Variants in NBEA observed in about 807,000 individuals in gnomAD.
NBEA encodes the protein neurobeachin.
NBEA carries 44 observed loss-of-function variants against 343.4 expected under a neutral mutation model. The observed-to-expected ratio is 0.13, with a 90% CI of 0.10 to 0.16. The LOEUF (loss-of-function observed/expected upper bound fraction) is 0.16, where lower values mean the gene tolerates loss of function less well. Among genes scored for constraint, NBEA ranks in the 10% least tolerant of loss-of-function variants. NBEA has a pLI of 1.00. For missense variants in NBEA, 2,555 were observed against 3,631.3 expected (o/e 0.70, Z 7.62); for synonymous variants, 1,175 against 1,238.7 (o/e 0.95, Z 1.08).
chr13:35,046,778 G>T (rs1026990162), intron 4 of NBEA, among the ~76,000 whole-genome samples: 1 of 151,944 alleles, frequency 6.6e-6, no homozygotes, highest in African/African-American at 2.4e-5. Context: ...CCTGTTTTTG[G>T]ACTGTGGTTG....
intron 10 of NBEA, among the ~76,000 whole-genome samples, chr13:35,091,702 C>T (rs533756486): frequency 8.8e-4 from 134 of 151,982 alleles, no homozygotes; most frequent in Non-Finnish European, 1.2e-3. Context: ...ACCACAGCAT[C>T]AAAAATGTTA....
intron 6 of NBEA, among the ~76,000 whole-genome samples, chr13:35,054,442 G>T (rs1254122193): frequency 6.6e-6 from 1 of 151,816 alleles, no homozygotes; most frequent in African/African-American, 2.4e-5. Context: ...TAACATATAT[G>T]TTGGTTTCAA....
intron 46 of NBEA, 83 bp downstream of exon 46, chr13:35,584,121 T>A: frequency 7.9e-7 from 1 of 1,264,794 alleles, no homozygotes; most frequent in Non-Finnish European, 1.1e-6. Flanking sequence ...AAATCAGTTG[T>A]AATTTGATTA....
intron 40 of NBEA, among the ~76,000 whole-genome samples, chr13:35,467,577 G>A (rs2075442062): frequency 6.6e-6 from 1 of 151,672 alleles, no homozygotes; most frequent in African/African-American, 2.4e-5. Flanking sequence ...AAAAATAATT[G>A]TAAAAATTTA....
chr13:35,612,293 C>A (rs541635574), intron 48 of NBEA, among the ~76,000 whole-genome samples: 1 of 151,888 alleles, frequency 6.6e-6, no homozygotes, highest in Non-Finnish European at 1.5e-5. Context: ...CCACCACGCC[C>A]GGCTAATTTT....
At chr13:35,112,017 T>C (rs1466930538) in intron 13 of NBEA, among the ~76,000 whole-genome samples, 2 of 149,088 alleles carry the variant, frequency 1.3e-5, no homozygotes, top group African/African-American at 2.5e-5. Flanking sequence ...CCCGGGTTCA[T>C]GCCGTTCTCC....
At chr13:35,097,768 A>C (rs1210817068) in intron 10 of NBEA, among the ~76,000 whole-genome samples, 2 of 151,782 alleles carry the variant, frequency 1.3e-5, no homozygotes, top group African/African-American at 4.8e-5. Context: ...CTTAGGGCAT[A>C]CCTGGACATA....
At chr13:35,429,061 G>A (rs1054346440) in intron 38 of NBEA, among the ~76,000 whole-genome samples, 2 of 152,174 alleles carry the variant, frequency 1.3e-5, no homozygotes, top group African/African-American at 4.8e-5. Flanking sequence ...TGAAAGTCCT[G>A]ACTCTGCAGT....
At chr13:35,416,006 G>C (rs1311034753) in intron 38 of NBEA, among the ~76,000 whole-genome samples, 2 of 152,190 alleles carry the variant, frequency 1.3e-5, no homozygotes, top group East Asian at 1.9e-4. Context: ...ATTGTGAATG[G>C]GAGTTCACTC....
intron 1 of NBEA, among the ~76,000 whole-genome samples, chr13:34,999,685 A>T (rs1041547138): frequency 2.0e-5 from 3 of 151,866 alleles, no homozygotes; most frequent in Non-Finnish European, 2.9e-5. Flanking sequence ...ACTCAGCCTT[A>T]TGGGTTTGAA....
intron 55 of NBEA, among the ~76,000 whole-genome samples, chr13:35,660,056 T>G (rs144699007): frequency 1.1e-3 from 171 of 152,308 alleles, no homozygotes; most frequent in African/African-American, 4.0e-3. Flanking sequence ...TGCAATATAT[T>G]ACAACCCATC....
chr13:35,633,694 A>G (rs536724313), intron 49 of NBEA, among the ~76,000 whole-genome samples: 1 of 152,152 alleles, frequency 6.6e-6, no homozygotes, highest in Admixed American at 6.5e-5. Context: ...AATTCATGGG[A>G]GAAAAATATG....
chr13:35,084,672 AC>A (rs1372299485), intron 10 of NBEA, among the ~76,000 whole-genome samples: 2 of 152,164 alleles, frequency 1.3e-5, no homozygotes, highest in Non-Finnish European at 2.9e-5. Flanking sequence ...AATTAAAAGA[AC>A]TAGAGAAGCA....
chr13:35,159,780 A>C lies in NBEA; in HGVS notation c.3609A>C (p.Ile1203=). Reference sequence around the variant, plus strand: ...ACTTAACTTGTACATCCAGTATAATAGAAGAAAAAGAATTCAAAATCCATA... The same window carrying C: ...ACTTAACTTGTACATCCAGTATAATCGAAGAAAAAGAATTCAAAATCCATA... ...SVDLTCTSSI[I]EEKEFKIHTT... is the part of the protein sequence containing the mutation. Residue 1203 remains isoleucine, a synonymous_variant, in exon 22 of 59, where the codon ATA becomes ATC. Coordinates refer to ENST00000379939, the MANE Select transcript of NBEA (RefSeq NM_001385012.1). 1 of 1,612,740 alleles carries C rather than the reference A, an allele frequency of 6.2e-7. No homozygotes were observed. The highest frequency in any genetic ancestry group is 1.1e-5 in the South Asian group (1 of 90,876).
chr13:35,341,240 C>A (rs900109586), intron 36 of NBEA, among the ~76,000 whole-genome samples: 2 of 152,044 alleles, frequency 1.3e-5, no homozygotes, highest in Non-Finnish European at 2.9e-5. Context: ...ACCTTACACT[C>A]TATGAAAAAA....
chr13:34,944,092 G>A (rs1484861404), intron 1 of NBEA, among the ~76,000 whole-genome samples: 1 of 152,158 alleles, frequency 6.6e-6, no homozygotes, highest in African/African-American at 2.4e-5. Flanking sequence ...GTTTTTAAAT[G>A]CAGCCAAGCT....
chr13:35,609,146 G>T lies in NBEA; in HGVS notation c.7449+2568G>T, dbSNP rs571555393. Among the ~76,000 whole-genome samples the T allele has an allele frequency of 9.1e-4, 139 of 152,272 alleles. 1 individual carries two copies. The South Asian group carries it at 0.027, about 30-fold the overall frequency. The stretch of plus-strand genomic sequence containing the variant: ...ATATGCATTAAAGAAAAATAGAGTG[G>T]TTATCTTTATTATCCACTGGACATT... On this transcript the variant is annotated intron_variant, in intron 48 of 58. Transcript: ENST00000379939.
intron 34 of NBEA, among the ~76,000 whole-genome samples, chr13:35,258,054 G>C (rs1241176067): frequency 6.6e-6 from 1 of 151,760 alleles, no homozygotes; most frequent in Non-Finnish European, 1.5e-5. Context: ...TCATTTTATA[G>C]ATTTTTACAT....
At position 35,561,743 on chromosome 13, in the gene NBEA, G is replaced by A. The variant is rs540275643; in HGVS notation, c.6923-5162G>A. Among the ~76,000 whole-genome samples the A allele has an allele frequency of 1.1e-4, 17 of 152,120 alleles. No individual in the cohort carries two copies. The South Asian group carries it at 2.7e-3, about 24-fold the overall frequency. On this transcript the variant is annotated intron_variant, in intron 44 of 58. Coordinates refer to ENST00000379939, the MANE Select transcript of NBEA (RefSeq NM_001385012.1). ...CTTTTTACACCCTCCTGTGGTATGT[G>A]TACATGTGCATAATTGCATATAAAT...
Sources: gnomAD v4.1 joint callset for allele counts (sites outside exome capture counted in the v4.1 genomes callset) on GRCh38, gnomAD v4.1.1 for gene constraint, MANE v1.5 for transcripts, NCBI Gene and HGNC (gene_info 2026-07-23, HGNC 2026-07-21) for gene names.